The following FSTL5 variants were observed in gnomAD, a reference collection of about 807,000 sequenced individuals.
FSTL5 encodes the protein follistatin like 5.
FSTL5 carries 62 observed loss-of-function variants against 89.1 expected under a neutral mutation model. That is an observed-to-expected ratio of 0.70 (90% confidence interval 0.57 to 0.86). The LOEUF is 0.86. Ranked by LOEUF, FSTL5 falls within the 40% of genes least tolerant of loss-of-function variation. FSTL5 has a pLI of 0.00. For missense variants in FSTL5, 1,057 were observed against 1,001.6 expected, an observed-to-expected ratio of 1.06 and a Z score of -0.75; for synonymous variants, 383 against 346.2, an observed-to-expected ratio of 1.11 and a Z score of -1.18.
At chr4:161,754,322 G>T (rs186728552) in intron 6 of FSTL5, among the ~76,000 whole-genome samples, 1 of 151,884 alleles carries the variant, frequency 6.6e-6, no homozygotes, top group Non-Finnish European at 1.5e-5. Flanking sequence ...TGAATTAATA[G>T]AAATTTTTAA....
At chr4:161,641,436 G>A (rs1293877669) in intron 7 of FSTL5, among the ~76,000 whole-genome samples, 1 of 107,850 alleles carries the variant, frequency 9.3e-6, no homozygotes, top group Non-Finnish European at 1.9e-5. Context: ...AGGTGGAGCT[G>A]TTAAAGAGCA....
chr4:161,959,409 C>T (rs359513), intron 3 of FSTL5, among the ~76,000 whole-genome samples: 91,394 of 151,664 alleles, frequency 0.6, 27,823 homozygotes, highest in Non-Finnish European at 0.62. Flanking sequence ...CATCACTCAG[C>T]GTAATTTGTT....
chr4:161,608,596 A>C (rs1330571397), intron 7 of FSTL5, among the ~76,000 whole-genome samples: 1 of 152,106 alleles, frequency 6.6e-6, no homozygotes, highest in East Asian at 1.9e-4. Flanking sequence ...ATTACAAAAA[A>C]CGATAAAGAA....
Position 162,111,361 on chromosome 4 carries a change from T to C in FSTL5, c.36A>G (p.Gly12=). ...FKCWSVVLVL[G]FIFLESEGRP... is the part of the protein sequence containing the mutation. ...TTCCTTCCGACTCCAGAAAAATGAA[T>C]CCGAGAACCAAGACAACTGACCAGC... The change falls in exon 2 of 16, where the codon GGA becomes GGG. Residue 12 remains glycine (G), a synonymous_variant. Transcript: ENST00000306100. 1 of 1,612,548 alleles carries C rather than the reference T, an allele frequency of 6.2e-7. No homozygotes were observed. Among genetic ancestry groups the C allele is most frequent in the Non-Finnish European group, 8.5e-7 (1 of 1,178,966 alleles).
chr4:161,988,129 C>T (rs980450847), intron 3 of FSTL5, among the ~76,000 whole-genome samples: 1 of 150,406 alleles, frequency 6.6e-6, no homozygotes, highest in African/African-American at 2.4e-5. Context: ...TAAACTATAG[C>T]ATTTTCTTTG....
intron 6 of FSTL5, among the ~76,000 whole-genome samples, chr4:161,710,280 T>C (rs570867004): frequency 6.6e-6 from 1 of 152,234 alleles, no homozygotes; most frequent in East Asian, 1.9e-4. Flanking sequence ...ACACAGACTT[T>C]TGATAGTCTA....
intron 4 of FSTL5, among the ~76,000 whole-genome samples, chr4:161,792,107 C>T (rs1579096189): frequency 6.6e-6 from 1 of 152,296 alleles, no homozygotes; most frequent in Admixed American, 6.5e-5. Context: ...AATGCCAGCT[C>T]CTGCTGCCTG....
intron 1 of FSTL5, among the ~76,000 whole-genome samples, chr4:162,137,316 T>C (rs545663638): frequency 6.6e-6 from 1 of 152,208 alleles, no homozygotes; most frequent in African/African-American, 2.4e-5. Flanking sequence ...AGTTCACATA[T>C]TAAAAATCTA....
intron 4 of FSTL5, among the ~76,000 whole-genome samples, chr4:161,886,276 A>G (rs1268931836): frequency 6.6e-6 from 1 of 152,212 alleles, no homozygotes. Flanking sequence ...AAGTGTGGAC[A>G]TTTCAAGTGA....
chr4:161,863,845 C>G (rs2126892787), intron 4 of FSTL5, among the ~76,000 whole-genome samples: 1 of 152,304 alleles, frequency 6.6e-6, no homozygotes, highest in East Asian at 1.9e-4. Context: ...TGGGAGGGGT[C>G]TGGCCACTTC....
chr4:161,838,064 A>C (rs1285624893), intron 4 of FSTL5, among the ~76,000 whole-genome samples: 1 of 152,190 alleles, frequency 6.6e-6, no homozygotes, highest in East Asian at 1.9e-4. Flanking sequence ...TGGATTCAAC[A>C]AGATATATCC....
chr4:161,817,051 T>C (rs1028929554), intron 4 of FSTL5, among the ~76,000 whole-genome samples: 1 of 152,168 alleles, frequency 6.6e-6, no homozygotes, highest in African/African-American at 2.4e-5. Context: ...AATTGACATA[T>C]CACATATATA....
chr4:161,990,199 G>A (rs1391215592), intron 3 of FSTL5, among the ~76,000 whole-genome samples: 1 of 152,022 alleles, frequency 6.6e-6, no homozygotes, highest in Non-Finnish European at 1.5e-5. Flanking sequence ...TAGAAAATTA[G>A]ACTATACAAC....
At chr4:161,679,686 A>G (rs1364372239) in intron 6 of FSTL5, among the ~76,000 whole-genome samples, 1 of 151,896 alleles carries the variant, frequency 6.6e-6, no homozygotes, top group Non-Finnish European at 1.5e-5. Context: ...ACCTATGTGA[A>G]TTAGGTAAAA....
intron 7 of FSTL5, among the ~76,000 whole-genome samples, chr4:161,601,270 C>T (rs1478702198): frequency 9.6e-6 from 1 of 104,212 alleles, no homozygotes; most frequent in South Asian, 3.1e-4. Context: ...CAAAACAAAA[C>T]AAAAAAACAA....
chr4:162,059,982 G>A (rs1455578534), intron 2 of FSTL5, among the ~76,000 whole-genome samples: 1 of 152,078 alleles, frequency 6.6e-6, no homozygotes, highest in Non-Finnish European at 1.5e-5. Context: ...GAAGAGAAAC[G>A]AATTGACTCA....
intron 2 of FSTL5, among the ~76,000 whole-genome samples, chr4:162,101,093 T>C (rs1230233687): frequency 6.6e-6 from 1 of 152,172 alleles, no homozygotes; most frequent in Non-Finnish European, 1.5e-5. Flanking sequence ...TAGCTCAAAG[T>C]CTTAGACTAA....
chr4:161,967,155 A>G (rs1050672445), intron 3 of FSTL5, among the ~76,000 whole-genome samples: 1 of 152,030 alleles, frequency 6.6e-6, no homozygotes, highest in Non-Finnish European at 1.5e-5. Context: ...AAAAATTTTA[A>G]TTTTAGTTTA....
intron 6 of FSTL5, among the ~76,000 whole-genome samples, chr4:161,757,700 C>T (rs1740626861): frequency 6.6e-6 from 1 of 152,172 alleles, no homozygotes; most frequent in Admixed American, 6.5e-5. Flanking sequence ...CTCACTTCAA[C>T]CTTTGCCTCC....
Sources: allele counts gnomAD v4.1 joint callset (sites outside exome capture counted in the v4.1 genomes callset), GRCh38; gene constraint gnomAD v4.1.1; transcripts MANE v1.5; gene names NCBI Gene and HGNC (gene_info 2026-07-23, HGNC 2026-07-21).